The following CPN1 variants were observed in gnomAD, a reference collection of about 807,000 sequenced individuals.
The protein encoded by CPN1 is carboxypeptidase N subunit 1, also known as carboxypeptidase N catalytic chain.
Under a neutral mutation model 46.4 loss-of-function variants are expected in CPN1, and 37 were observed. That is an observed-to-expected ratio of 0.80 (90% CI 0.61 to 1.05). The LOEUF is 1.05. Among genes scored for constraint, CPN1 ranks in the 50% least tolerant of loss-of-function variants. CPN1 has a pLI of 0.00. For missense variants in CPN1, 563 were observed against 602.6 expected (o/e 0.93, Z 0.69); for synonymous variants, 224 against 235.4 (o/e 0.95, Z 0.44).
Position 100,069,706 on chromosome 10 carries a change from T to C in CPN1, c.576+8A>G, listed in dbSNP as rs147744812. On this transcript the variant is annotated splice_region_variant and intron_variant, in intron 3 of 8. Transcript: ENST00000370418. ...TTACCTGCTTTGTTTGCAAATTTCATCTCCTACCTGACTTTTCCAGTTGTC... is the reference window on the plus strand; with the variant it reads ...TTACCTGCTTTGTTTGCAAATTTCACCTCCTACCTGACTTTTCCAGTTGTC... 7.6e-4 allele frequency: 1,219 copies of C among 1,613,976 alleles called. 17 individuals are homozygous for C. The highest frequency in any genetic ancestry group is 6.8e-5 in the Non-Finnish European group (80 of 1,180,004).
At chr10:100,052,592 C>G (rs2041362041) in intron 7 of CPN1, among the ~76,000 whole-genome samples, 1 of 152,032 alleles carries the variant, frequency 6.6e-6, no homozygotes, top group African/African-American at 2.4e-5. Context: ...CTAGCAAAAG[C>G]CAGGTGTGCA....
At chr10:100,059,999 AAT>A (rs1203101790) in intron 5 of CPN1, among the ~76,000 whole-genome samples, 2 of 152,214 alleles carry the variant, frequency 1.3e-5, no homozygotes, top group Non-Finnish European at 2.9e-5. Flanking sequence ...CAAAAAGACA[AAT>A]ATTGCATGAT....
intron 6 of CPN1, among the ~76,000 whole-genome samples, 187 bp from the exon 7 acceptor site, chr10:100,054,633 C>A (rs7085773): frequency 0.015 from 2,218 of 152,198 alleles, 50 homozygotes; most frequent in African/African-American, 0.051. Context: ...TTAGAGTGGT[C>A]AGAGCGTTCC....
chr10:100,078,168 C>A (rs940598048), intron 1 of CPN1, among the ~76,000 whole-genome samples: 1 of 152,162 alleles, frequency 6.6e-6, no homozygotes, highest in African/African-American at 2.4e-5. Flanking sequence ...CCGCCTCAGC[C>A]TCCTGAGGAG....
chr10:100,065,801 C>A, intron 3 of CPN1, among the ~76,000 whole-genome samples: 1 of 151,712 alleles, frequency 6.6e-6, no homozygotes, highest in Non-Finnish European at 1.5e-5. Context: ...ATAAACACAC[C>A]CCTCTGGGGT....
chr10:100,065,751 G>C (rs1418585439), intron 3 of CPN1, among the ~76,000 whole-genome samples: 4 of 151,882 alleles, frequency 2.6e-5, no homozygotes, highest in Non-Finnish European at 1.5e-5. Context: ...TGGACTGGGA[G>C]CGCTCATGGT....
intron 5 of CPN1, among the ~76,000 whole-genome samples, chr10:100,063,051 G>A (rs2041429783): frequency 6.6e-6 from 1 of 152,012 alleles, no homozygotes. Flanking sequence ...TTCCTCCTAT[G>A]CCCTAATCTA....
At position 100,081,655 on chromosome 10, in the gene CPN1, G is replaced by T; in HGVS notation, c.-30C>A. ...CTGGGCTTTTTCAAAGAGAGCCACTGAAACGCGCCCCACCTCCTTAAACAA... is the reference window on the plus strand; with the variant it reads ...CTGGGCTTTTTCAAAGAGAGCCACTTAAACGCGCCCCACCTCCTTAAACAA... On this transcript the variant is annotated 5_prime_UTR_variant, in exon 1 of 9. Coordinates refer to ENST00000370418, the MANE Select transcript of CPN1 (RefSeq NM_001308.3). 6.3e-7 allele frequency: 1 copy of T among 1,590,380 alleles called. No homozygotes were observed. Among genetic ancestry groups the T allele is most frequent in the African/African-American group, 1.3e-5 (1 of 74,550 alleles).
At chr10:100,054,845 T>C (rs56326236) in intron 6 of CPN1, among the ~76,000 whole-genome samples, 52 of 137,278 alleles carry the variant, frequency 3.8e-4, no homozygotes, top group South Asian at 1.5e-3. Flanking sequence ...TTCTTTCTTT[T>C]TTTTTTTTTT....
Position 100,081,762 on chromosome 10 carries a change from A to C in CPN1, c.-137T>G. ...CCAGTCCAAATTGGAAGACGTTCCC[A>C]GCTGTCCGTCCAAGGCTGGAAATTC... On this transcript the variant is annotated 5_prime_UTR_variant, in exon 1 of 9. Coordinates refer to ENST00000370418, the MANE Select transcript of CPN1 (RefSeq NM_001308.3). The C allele has an allele frequency of 1.4e-6, 1 of 732,428 alleles. No individual in the cohort carries two copies. The highest frequency in any genetic ancestry group is 2.4e-6 in the Non-Finnish European group (1 of 415,204). The allele number at this position is 732,428 out of a possible 1,614,324, so 45.4% of individuals were successfully genotyped here.
At chr10:100,077,501 G>A (rs2041522394) in intron 1 of CPN1, among the ~76,000 whole-genome samples, 1 of 152,068 alleles carries the variant, frequency 6.6e-6, no homozygotes, top group African/African-American at 2.4e-5. Flanking sequence ...AAAGTGCTAG[G>A]ATTACAGGTG....
At chr10:100,074,637 G>T (rs929131521) in intron 2 of CPN1, among the ~76,000 whole-genome samples, 1 of 151,988 alleles carries the variant, frequency 6.6e-6, no homozygotes, top group Non-Finnish European at 1.5e-5. Flanking sequence ...GGCTGATCTC[G>T]AACTCCCGAC....
intron 7 of CPN1, among the ~76,000 whole-genome samples, chr10:100,053,534 A>T (rs1408684357): frequency 6.6e-6 from 1 of 151,904 alleles, no homozygotes; most frequent in Non-Finnish European, 1.5e-5. Context: ...CTGAGTTAGG[A>T]GGATGGCTTG....
chr10:100,066,039 T>G (rs1049697364), intron 3 of CPN1, among the ~76,000 whole-genome samples: 2 of 151,200 alleles, frequency 1.3e-5, no homozygotes, highest in Non-Finnish European at 2.9e-5. Context: ...CATTGCAGCC[T>G]CCACCTCCCG....
At chr10:100,050,664 G>A (rs996715082) in intron 7 of CPN1, among the ~76,000 whole-genome samples, 3 of 152,098 alleles carry the variant, frequency 2.0e-5, no homozygotes, top group Non-Finnish European at 4.4e-5. Flanking sequence ...TCATTCTGTT[G>A]CCCAGGCTAG....
intron 2 of CPN1, among the ~76,000 whole-genome samples, chr10:100,070,393 G>A (rs1035134459): frequency 3.9e-5 from 6 of 152,066 alleles, no homozygotes; most frequent in Non-Finnish European, 5.9e-5. Flanking sequence ...TGAGGCACGA[G>A]AATCACTTAA....
At chr10:100,070,020 T>C in intron 2 of CPN1, 151 bp from the exon 3 acceptor site, 1 of 823,512 alleles carries the variant, frequency 1.2e-6, no homozygotes, top group East Asian at 2.7e-5. Flanking sequence ...CCTACTGGGC[T>C]CAAGCAATCC....
chr10:100,051,594 C>A (rs1335923653), intron 7 of CPN1, among the ~76,000 whole-genome samples: 2 of 151,364 alleles, frequency 1.3e-5, no homozygotes, highest in African/African-American at 4.9e-5. Flanking sequence ...GTGGCTCAAT[C>A]CTGGCTCACT....
At chr10:100,075,813 T>C in intron 2 of CPN1, 98 bp downstream of exon 2, 1 of 1,226,946 alleles carries the variant, frequency 8.2e-7, no homozygotes, top group Non-Finnish European at 1.2e-6. Context: ...TTAACATTTG[T>C]GATATTTACA....
Sources: allele counts gnomAD v4.1 joint callset (sites outside exome capture counted in the v4.1 genomes callset), GRCh38; gene constraint gnomAD v4.1.1; transcripts MANE v1.5; gene names NCBI Gene and HGNC (gene_info 2026-07-23, HGNC 2026-07-21).